EEPD1: variants seen among roughly 807,000 people sequenced by gnomAD.
The protein encoded by EEPD1 is endonuclease/exonuclease/phosphatase family domain-containing protein 1.
In EEPD1, 17 loss-of-function variants were observed where a neutral mutation model predicts 46.3. The observed-to-expected ratio is 0.37, with a 90% CI of 0.25 to 0.55. The LOEUF is 0.55. Ranked by LOEUF, EEPD1 falls within the 20% of genes least tolerant of loss-of-function variation. EEPD1 has a pLI of 0.83. For synonymous variants in EEPD1, 313 were observed against 315.6 expected (o/e 0.99, Z 0.09); for missense variants, 673 against 745.6 (o/e 0.90, Z 1.13).
chr7:36,277,215 G>A (rs1193520801), intron 3 of EEPD1, among the ~76,000 whole-genome samples: 1 of 152,246 alleles, frequency 6.6e-6, no homozygotes, highest in Non-Finnish European at 1.5e-5. Flanking sequence ...AGGCCAGGAA[G>A]TAGAGCAGCA....
chr7:36,282,824 A>T (rs1241446885), intron 4 of EEPD1, among the ~76,000 whole-genome samples: 1 of 152,226 alleles, frequency 6.6e-6, no homozygotes, highest in Non-Finnish European at 1.5e-5. Context: ...ACCCTGCAGT[A>T]TTGTGGGCCC....
chr7:36,233,142 G>A (rs1786368723), intron 2 of EEPD1, among the ~76,000 whole-genome samples: 1 of 152,186 alleles, frequency 6.6e-6, no homozygotes, highest in Non-Finnish European at 1.5e-5. Flanking sequence ...GCTACAACTG[G>A]ATAGTCCTAA....
chr7:36,197,424 T>C (rs1460257323), intron 2 of EEPD1, among the ~76,000 whole-genome samples: 1 of 152,166 alleles, frequency 6.6e-6, no homozygotes, highest in East Asian at 1.9e-4. Context: ...ACCCAACAGC[T>C]CATTGAGAAC....
At chr7:36,273,965 C>T (rs921707536) in intron 3 of EEPD1, among the ~76,000 whole-genome samples, 3 of 152,210 alleles carry the variant, frequency 2.0e-5, no homozygotes, top group African/African-American at 7.2e-5. Context: ...TCCATGAGCT[C>T]CTGGGCCAGT....
At chr7:36,258,200 C>T (rs1174466415) in intron 3 of EEPD1, among the ~76,000 whole-genome samples, 2 of 152,192 alleles carry the variant, frequency 1.3e-5, no homozygotes, top group African/African-American at 4.8e-5. Context: ...CCTCTGGAAG[C>T]TTCTTCCCAG....
At position 36,193,718 on chromosome 7, in the gene EEPD1, A is replaced by G. The variant is rs978026507; in HGVS notation, c.878+38516A>G. Among the ~76,000 whole-genome samples, 1 of 152,140 alleles carries G rather than the reference A, an allele frequency of 6.6e-6. No homozygotes were observed. Among genetic ancestry groups the G allele is most frequent in the African/African-American group, 2.4e-5 (1 of 41,432 alleles). On this transcript the variant is annotated intron_variant, in intron 2 of 7. Coordinates refer to ENST00000242108, the MANE Select transcript of EEPD1 (RefSeq NM_030636.3). The surrounding 1 kb of genome is among the most constrained non-coding windows in gnomAD (Gnocchi z 4.9). Reference sequence around the variant, plus strand: ...TGATCAAGAAAATGTTCCTAGGGCTATGTTTCCAAGAGGAATTCAGAAACC... The same window carrying G: ...TGATCAAGAAAATGTTCCTAGGGCTGTGTTTCCAAGAGGAATTCAGAAACC...
At chr7:36,260,710 A>T (rs1248924417) in intron 3 of EEPD1, among the ~76,000 whole-genome samples, 1 of 152,246 alleles carries the variant, frequency 6.6e-6, no homozygotes, top group Non-Finnish European at 1.5e-5. Flanking sequence ...AGTGAGAAAG[A>T]CCTGAGTTTG....
In EEPD1 at chr7:36,193,428, A is replaced by G. The variant is rs562260085; in HGVS notation, c.878+38226A>G. On this transcript the variant is annotated intron_variant, in intron 2 of 7. Transcript: ENST00000242108. The surrounding 1 kb of genome is among the most constrained non-coding windows in gnomAD (Gnocchi z 4.9). ...AAAGGAGAGATGCAGCTAGATGAGG[A>G]GAGAACAGCCACTTCATGCCAGCCT... Among the ~76,000 whole-genome samples the G allele has an allele frequency of 6.6e-6, 1 of 152,262 alleles. No individual in the cohort carries two copies. Among genetic ancestry groups the G allele is most frequent in the South Asian group, 2.1e-4 (1 of 4,824 alleles).
At position 36,263,652 on chromosome 7, in the gene EEPD1, G is replaced by A. The variant is rs546592214; in HGVS notation, c.931-17463G>A. ...TGGAAGAGAAGATGTCACGTTCTGG[G>A]TTTTGCCCAAATCCCAACATTTGCA... On this transcript the variant is annotated intron_variant, in intron 3 of 7. Coordinates refer to ENST00000242108, the MANE Select transcript of EEPD1 (RefSeq NM_030636.3). Among the ~76,000 whole-genome samples, 25 of 152,244 alleles carry A rather than the reference G, an allele frequency of 1.6e-4. No individual in the cohort carries two copies. The South Asian group carries it at 4.8e-3, about 29-fold the overall frequency.
At chr7:36,165,513 G>A (rs28488583) in intron 2 of EEPD1, among the ~76,000 whole-genome samples, 47,039 of 137,758 alleles carry the variant, frequency 0.34, 8,222 homozygotes, top group Middle Eastern at 0.46. Context: ...TCTGCCTCCC[G>A]GGTTCAAGCG....
rs114728506 is a variant in EEPD1, at chr7:36,157,830, T to C, written c.878+2628T>C. Among the ~76,000 whole-genome samples the C allele has an allele frequency of 9.2e-3, 1,405 of 152,248 alleles. 17 individuals are homozygous for C. The highest frequency in any genetic ancestry group is 0.032 in the African/African-American group (1,343 of 41,530). On this transcript the variant is annotated intron_variant, in intron 2 of 7. Coordinates refer to ENST00000242108, the MANE Select transcript of EEPD1 (RefSeq NM_030636.3). ...GTATCAAAAGCTGTCACAGAGTAGA[T>C]CTCGTGTCCTCAATGATAGCAGCAC...
chr7:36,285,909 C>A (rs1787335831), intron 5 of EEPD1, among the ~76,000 whole-genome samples: 1 of 152,194 alleles, frequency 6.6e-6, no homozygotes, highest in African/African-American at 2.4e-5. Context: ...AGCAGCCCCT[C>A]TCATTCCTCT....
intron 2 of EEPD1, among the ~76,000 whole-genome samples, chr7:36,187,377 G>C (rs998826250): frequency 1.1e-4 from 17 of 152,116 alleles, no homozygotes; most frequent in African/African-American, 3.9e-4. Context: ...AACTGAAACT[G>C]TGCCCCCATT....
intron 3 of EEPD1, among the ~76,000 whole-genome samples, chr7:36,248,514 CTTTTTTTTTT>C (rs35722763): frequency 7.9e-6 from 1 of 126,788 alleles, no homozygotes; most frequent in Non-Finnish European, 1.6e-5. Flanking sequence ...GCCAGATACT[CTTTTTTTTTT>C]TTTTTTTTTC....
intron 3 of EEPD1, among the ~76,000 whole-genome samples, chr7:36,270,538 T>C (rs948545923): frequency 1.4e-4 from 21 of 152,330 alleles, no homozygotes; most frequent in African/African-American, 4.1e-4. Context: ...CTCCTACTTA[T>C]GAGTGAGAAC....
chr7:36,155,499 G>T (rs1784812095), intron 2 of EEPD1, among the ~76,000 whole-genome samples: 1 of 152,118 alleles, frequency 6.6e-6, no homozygotes, highest in African/African-American at 2.4e-5. Flanking sequence ...AGGATGCTGG[G>T]TCTACACCAA....
At chr7:36,271,660 G>A (rs535929400) in intron 3 of EEPD1, among the ~76,000 whole-genome samples, 1 of 145,192 alleles carries the variant, frequency 6.9e-6, no homozygotes, top group Admixed American at 7.0e-5. Flanking sequence ...ATTGTTTTTG[G>A]TGTTTTAGTC....
At chr7:36,272,269 G>A (rs368332965) in intron 3 of EEPD1, among the ~76,000 whole-genome samples, 5 of 152,096 alleles carry the variant, frequency 3.3e-5, no homozygotes, top group East Asian at 3.9e-4. Context: ...AGCATCCAAA[G>A]ACCTTTGGAG....
At chr7:36,277,248 C>T (rs1046699767) in intron 3 of EEPD1, among the ~76,000 whole-genome samples, 1 of 152,234 alleles carries the variant, frequency 6.6e-6, no homozygotes, top group African/African-American at 2.4e-5. Flanking sequence ...GGGTTCAGAC[C>T]CTCCCGCTAA....
Sources: allele counts gnomAD v4.1 joint callset (sites outside exome capture counted in the v4.1 genomes callset), GRCh38; gene constraint gnomAD v4.1.1; non-coding constraint Gnocchi (gnomAD v3.1); transcripts MANE v1.5; gene names NCBI Gene and HGNC (gene_info 2026-07-23, HGNC 2026-07-21).